Variants in FMN2 observed in about 807,000 individuals in gnomAD.
The protein encoded by FMN2 is formin 2.
Under a neutral mutation model 142.3 loss-of-function variants are expected in FMN2, and 51 were observed. That is an observed-to-expected ratio of 0.36 (90% CI 0.29 to 0.45). FMN2 has a LOEUF of 0.45. Among genes scored for constraint, FMN2 ranks in the 20% least tolerant of loss-of-function variants. The pLI is 1.00. For synonymous variants in FMN2, 882 were observed against 869.8 expected (o/e 1.01, Z -0.25); for missense variants, 1,936 against 2,122.8 (o/e 0.91, Z 1.73).
At position 240,207,280 on chromosome 1, in the gene FMN2, G is replaced by C; in HGVS notation, c.2468G>C (p.Gly823Ala). The C allele has an allele frequency of 1.2e-6, 2 of 1,613,942 alleles. No individual in the cohort carries two copies. Among genetic ancestry groups the C allele is most frequent in the Non-Finnish European group, 1.7e-6 (2 of 1,179,920 alleles). ...PPSLLWSAGQ[G>A]QPGSQPPHSI... ...TCCCTTCTGTGGTCTGCTGGGCAAG[G>C]ACAGCCTGGGTCACAGCCGCCCCAT... Residue 823 changes from glycine (G) to alanine (A), a missense_variant, in exon 5 of 18, where the codon GGA (glycine) becomes GCA (alanine). Physicochemically the swap from Gly to Ala is moderately conservative, Grantham distance 60 (BLOSUM62 0). Coordinates refer to ENST00000319653, the MANE Select transcript of FMN2 (RefSeq NM_020066.5).
intron 2 of FMN2, among the ~76,000 whole-genome samples, chr1:240,138,857 ATAGT>A (rs1199070202): frequency 3.9e-5 from 6 of 152,218 alleles, no homozygotes; most frequent in African/African-American, 7.2e-5. Flanking sequence ...TAATACCACA[ATAGT>A]TAATTAATAA....
chr1:240,383,149 C>T (rs1166077692), intron 14 of FMN2, among the ~76,000 whole-genome samples: 1 of 152,090 alleles, frequency 6.6e-6, no homozygotes. Context: ...ATACCTGAAA[C>T]TGTAAAAATG....
At chr1:240,239,814 A>G (rs568073174) in intron 6 of FMN2, among the ~76,000 whole-genome samples, 1 of 152,374 alleles carries the variant, frequency 6.6e-6, no homozygotes, top group South Asian at 2.1e-4. Context: ...ATTCTAGTCA[A>G]TAAACATATG....
rs746275500 is a variant in FMN2, at chr1:240,093,695, C to T, written c.1586C>T (p.Ala529Val). Residue 529 changes from alanine (A) to valine (V), a missense_variant, in exon 1 of 18, where the codon GCT becomes GTT. Ala to Val is a moderately conservative substitution (Grantham distance 64). Around this residue, in one of 8 missense-constraint regions of FMN2, gnomAD observed 751 missense variants for 791.8 expected, o/e 0.95. Transcript: ENST00000319653. ...LAAKASGAPAAADGFQNVFTG... is the reference protein window; with the variant it reads ...LAAKASGAPAVADGFQNVFTG... The stretch of plus-strand genomic sequence containing the variant: ...GCCAAGGCGTCTGGGGCCCCCGCGG[C>T]TGCGGATGGCTTCCAGAACGTGTTC... The T allele has an allele frequency of 4.4e-6, 6 of 1,368,566 alleles. No individual in the cohort carries two copies. The African/African-American group carries it at 7.5e-5, about 17-fold the overall frequency. The allele number at this position is 1,368,566 out of a possible 1,614,324, so 84.8% of individuals were successfully genotyped here.
chr1:240,207,622 T>G lies in FMN2; in HGVS notation c.2810T>G (p.Leu937Arg). 1.7e-6 allele frequency: 2 copies of G among 1,156,422 alleles called. No homozygotes were observed. The highest frequency in any genetic ancestry group is 2.2e-6 in the Non-Finnish European group (2 of 890,396). The allele number at this position is 1,156,422 out of a possible 1,614,324, so 71.6% of individuals were successfully genotyped here. ...GCAGGCATACTCCCTCTGCCCCCTC[T>G]ACCCGGAGCGGGAATACCTCCTCCG... ...PGAGILPLPP[L>R]PGAGIPPPPP... The change falls in exon 5 of 18, where the codon CTA (leucine) becomes CGA (arginine). Residue 937 changes from leucine to arginine, a missense_variant. Physicochemically the swap from Leu to Arg is moderately radical, Grantham distance 102 (BLOSUM62 -2). Transcript: ENST00000319653.
intron 6 of FMN2, among the ~76,000 whole-genome samples, chr1:240,228,331 AAGAAAAAGAAAAAGAAAAAGAAAG>A (rs1558380524): frequency 1.5e-5 from 1 of 67,620 alleles, no homozygotes; most frequent in Non-Finnish European, 2.7e-5. Context: ...AAAAAAAAAA[AAGAAAAAGAAAAAGAAAAAGAAAG>A]AAAAAAAATG....
chr1:240,257,727 T>C (rs1668493376), intron 6 of FMN2, among the ~76,000 whole-genome samples: 1 of 152,128 alleles, frequency 6.6e-6, no homozygotes, highest in South Asian at 2.1e-4. Flanking sequence ...TTGAGGCTGA[T>C]GGTGAATAAT....
intron 2 of FMN2, among the ~76,000 whole-genome samples, chr1:240,167,159 G>A (rs1441330738): frequency 1.3e-5 from 2 of 152,086 alleles, no homozygotes; most frequent in Non-Finnish European, 2.9e-5. Flanking sequence ...AAAACCAAAA[G>A]GGATAGGTTT....
intron 15 of FMN2, among the ~76,000 whole-genome samples, chr1:240,424,659 G>A (rs528505993): frequency 6.6e-6 from 1 of 152,144 alleles, no homozygotes; most frequent in African/African-American, 2.4e-5. Context: ...TGTGGACCTG[G>A]CATCCCCATA....
At chr1:240,364,987 G>C (rs1412949749) in intron 14 of FMN2, among the ~76,000 whole-genome samples, 1 of 152,200 alleles carries the variant, frequency 6.6e-6, no homozygotes, top group Non-Finnish European at 1.5e-5. Context: ...TGCTGGGAAT[G>C]TTTAAATAAT....
At chr1:240,116,855 AGGAG>A (rs1307641024) in intron 1 of FMN2, among the ~76,000 whole-genome samples, 2 of 152,182 alleles carry the variant, frequency 1.3e-5, no homozygotes, top group Non-Finnish European at 2.9e-5. Context: ...AGACTGAGCA[AGGAG>A]GGAGAGGTAG....
intron 2 of FMN2, among the ~76,000 whole-genome samples, chr1:240,154,107 C>CAAAA (rs3047182): frequency 8.9e-4 from 49 of 55,066 alleles, no homozygotes; most frequent in African/African-American, 1.7e-3. Flanking sequence ...GAGATTCCAT[C>CAAAA]AAAAAAAAAA....
chr1:240,210,253 C>A (rs1001355045), intron 5 of FMN2, among the ~76,000 whole-genome samples: 3 of 152,134 alleles, frequency 2.0e-5, no homozygotes, highest in Admixed American at 2.0e-4. Flanking sequence ...CAGGGAAAAA[C>A]GCACACTGTA....
intron 6 of FMN2, among the ~76,000 whole-genome samples, chr1:240,236,254 T>C (rs1164529113): frequency 2.6e-5 from 4 of 152,146 alleles, no homozygotes; most frequent in African/African-American, 9.7e-5. Context: ...TGGAATTTTT[T>C]CTCATCTCCC....
chr1:240,170,979 G>A (rs1664679609), intron 2 of FMN2: 5 of 795,894 alleles, frequency 6.3e-6, no homozygotes, highest in South Asian at 5.4e-5. Flanking sequence ...AATGTATTAG[G>A]AATGTCAAGG....
intron 15 of FMN2, among the ~76,000 whole-genome samples, chr1:240,404,017 G>A (rs59643483): frequency 0.24 from 36,798 of 152,134 alleles, 5,406 homozygotes; most frequent in East Asian, 0.58. Flanking sequence ...TATTGCTTAA[G>A]TGGTATTTTA....
intron 2 of FMN2, among the ~76,000 whole-genome samples, chr1:240,158,105 T>G (rs1664106083): frequency 6.6e-6 from 1 of 151,920 alleles, no homozygotes; most frequent in African/African-American, 2.4e-5. Context: ...CTAATCCCCA[T>G]AAGATCCTAC....
intron 2 of FMN2, among the ~76,000 whole-genome samples, chr1:240,150,917 A>G (rs1663741842): frequency 6.6e-6 from 1 of 152,232 alleles, no homozygotes; most frequent in Admixed American, 6.5e-5. Flanking sequence ...ACATGTTAGC[A>G]TTTCACAGGT....
intron 1 of FMN2, among the ~76,000 whole-genome samples, chr1:240,116,436 G>A (rs140193827): frequency 9.8e-5 from 15 of 152,310 alleles, no homozygotes; most frequent in Admixed American, 2.0e-4. Context: ...CGACATTGCC[G>A]TGTTGGGTAG....
Sources: gnomAD v4.1 joint callset for allele counts (sites outside exome capture counted in the v4.1 genomes callset) on GRCh38, gnomAD v4.1.1 for gene constraint, gnomAD v4.1.1 regional missense constraint, MANE v1.5 for transcripts, NCBI Gene and HGNC (gene_info 2026-07-23, HGNC 2026-07-21) for gene names.